KLF8: variants seen among roughly 807,000 people sequenced by gnomAD.
KLF8 encodes Krueppel-like factor 8.
KLF8 carries 10 observed loss-of-function variants against 18.2 expected under a neutral mutation model. The ratio of observed to expected loss-of-function variants is 0.55; its 90% CI spans 0.34 to 0.93. KLF8 has a LOEUF of 0.93. Among genes scored for constraint, KLF8 ranks in the 40% least tolerant of loss-of-function variants. The pLI, the probability that KLF8 is intolerant of heterozygous loss-of-function variation, is 0.02. For synonymous variants in KLF8, 109 were observed against 97.3 expected (o/e 1.12, Z -0.71); for missense variants, 264 against 277.9 (o/e 0.95, Z 0.36).
At chrX:55,923,705 CGTGTGTGTGT>C in the KLF8 span, among the ~76,000 whole-genome samples, 1,161 of 98,275 alleles carry the variant, frequency 0.012, 16 homozygotes, top group Middle Eastern at 0.038. Flanking sequence ...TAAAGATCCA[CGTGTGTGTGT>C]GTGTGTGTGT....
chrX:55,955,966 A>G, the KLF8 span, among the ~76,000 whole-genome samples: 1 of 111,329 alleles, frequency 9.0e-6, no homozygotes, highest in African/African-American at 3.3e-5. Context: ...TTGGAGCTCT[A>G]TTTCTGCATC....
At chrX:56,222,810 C>T in the KLF8 span, among the ~76,000 whole-genome samples, 42 of 113,304 alleles carry the variant, frequency 3.7e-4, no homozygotes, top group Middle Eastern at 4.6e-3. Flanking sequence ...AAGCCCCTCA[C>T]TGCCCGGGGC....
At chrX:56,049,157 A>T in the KLF8 span, among the ~76,000 whole-genome samples, 1 of 111,743 alleles carries the variant, frequency 8.9e-6, no homozygotes, top group Non-Finnish European at 1.9e-5. Flanking sequence ...CAGCTTAAGG[A>T]GATTTTGGGC....
the KLF8 span, among the ~76,000 whole-genome samples, chrX:56,062,305 T>C: frequency 9.0e-6 from 1 of 111,302 alleles, no homozygotes; most frequent in African/African-American, 3.3e-5. Flanking sequence ...TGGTACCTTG[T>C]TTTTTGTTTG....
the KLF8 span, among the ~76,000 whole-genome samples, chrX:55,924,415 T>A: frequency 9.0e-6 from 1 of 111,440 alleles, no homozygotes; most frequent in Non-Finnish European, 1.9e-5. Context: ...TGTTTCATTT[T>A]TTTTCTTAAA....
the KLF8 span, among the ~76,000 whole-genome samples, chrX:56,096,565 A>T: frequency 8.9e-6 from 1 of 111,828 alleles, no homozygotes; most frequent in African/African-American, 3.2e-5. Flanking sequence ...AAGTTATAAT[A>T]TGAATGTATA....
the KLF8 span, among the ~76,000 whole-genome samples, chrX:56,054,553 G>A: frequency 1.8e-5 from 2 of 111,990 alleles, no homozygotes; most frequent in Admixed American, 9.5e-5. Context: ...TGAGAAGAAT[G>A]TATATATTAC....
the KLF8 span, among the ~76,000 whole-genome samples, chrX:56,011,886 C>T: frequency 9.0e-6 from 1 of 111,369 alleles, no homozygotes; most frequent in Non-Finnish European, 1.9e-5. Flanking sequence ...GACACATACA[C>T]CCTCCAAAGA....
the KLF8 span, among the ~76,000 whole-genome samples, chrX:56,149,165 G>C: frequency 8.1e-5 from 9 of 111,618 alleles, no homozygotes; most frequent in Admixed American, 3.8e-4. Flanking sequence ...TCAATGAAGA[G>C]AATGGGGCAT....
the KLF8 span, among the ~76,000 whole-genome samples, chrX:56,222,854 C>T: frequency 2.6e-4 from 29 of 113,131 alleles, no homozygotes; most frequent in Admixed American, 2.2e-3. Flanking sequence ...GAGTGCGGGG[C>T]CAGCCCAGCC....
chrX:56,276,088 G>A (rs920082785), intron 5 of KLF8, among the ~76,000 whole-genome samples: 1 of 110,748 alleles, frequency 9.0e-6, no homozygotes, highest in Non-Finnish European at 1.9e-5. Flanking sequence ...GTTAGAATTC[G>A]ACAGTGAAGC....
the KLF8 span, among the ~76,000 whole-genome samples, chrX:56,040,933 G>T: frequency 2.4e-5 from 2 of 84,417 alleles, no homozygotes. Flanking sequence ...TTATTGCCTC[G>T]ATTTCAGAAC....
chrX:56,084,659 C>T, the KLF8 span, among the ~76,000 whole-genome samples: 2 of 112,110 alleles, frequency 1.8e-5, no homozygotes, highest in African/African-American at 3.2e-5. Context: ...GCTTTCTTTG[C>T]TTTTGGTTAT....
intron 1 of KLF8, among the ~76,000 whole-genome samples, chrX:56,239,440 A>C (rs2066517853): frequency 1.8e-5 from 2 of 112,301 alleles, no homozygotes; most frequent in Middle Eastern, 4.6e-3. Context: ...TTAATCTTTA[A>C]CATCACTATG....
the KLF8 span, among the ~76,000 whole-genome samples, chrX:56,159,329 GA>G: frequency 8.9e-6 from 1 of 111,982 alleles, no homozygotes; most frequent in Admixed American, 9.5e-5. Context: ...GTTCATCAGG[GA>G]TATTGGCCTA....
the KLF8 span, among the ~76,000 whole-genome samples, chrX:56,138,942 C>G: frequency 9.0e-6 from 1 of 111,053 alleles, no homozygotes; most frequent in Non-Finnish European, 1.9e-5. Context: ...CCAAAAGCCC[C>G]TACGTCTTAT....
At chrX:56,163,410 T>C in the KLF8 span, among the ~76,000 whole-genome samples, 2 of 112,246 alleles carry the variant, frequency 1.8e-5, no homozygotes, top group Admixed American at 1.9e-4. Flanking sequence ...AAAGTGCCTT[T>C]TTATGCCCTT....
chrX:55,929,531 A>T, the KLF8 span, among the ~76,000 whole-genome samples: 26 of 112,172 alleles, frequency 2.3e-4, no homozygotes, highest in African/African-American at 7.8e-4. Flanking sequence ...ATCCATCTTG[A>T]GTTAATTTTT....
chrX:56,015,225 T>C, the KLF8 span: 1 of 111,560 alleles, frequency 9.0e-6, no homozygotes. Context: ...CTCTAGACCT[T>C]GGATTAAGAA....
Sources: gnomAD v4.1 joint callset for allele counts (sites outside exome capture counted in the v4.1 genomes callset) on GRCh38, gnomAD v4.1.1 for gene constraint, MANE v1.5 for transcripts, NCBI Gene and HGNC (gene_info 2026-07-23, HGNC 2026-07-21) for gene names.